The following EDIL3 variants were observed in gnomAD, a reference collection of about 807,000 sequenced individuals.
EDIL3 encodes the protein EGF like and discoidin domains 3, also known as EGF-like repeat and discoidin I-like domain-containing protein 3.
In EDIL3, 37 loss-of-function variants were observed where a neutral mutation model predicts 67.4. That is an observed-to-expected ratio of 0.55 (90% CI 0.42 to 0.72). The LOEUF is 0.72. Among genes scored for constraint, EDIL3 ranks in the 30% least tolerant of loss-of-function variants. The pLI is 0.00. For synonymous variants in EDIL3, 195 were observed against 196.3 expected (o/e 0.99, Z 0.05); for missense variants, 527 against 586.3 (o/e 0.90, Z 1.04).
chr5:84,312,103 G>A (rs1746404268), intron 1 of EDIL3, among the ~76,000 whole-genome samples: 1 of 152,098 alleles, frequency 6.6e-6, no homozygotes, highest in South Asian at 2.1e-4. Flanking sequence ...TGGTGGCTGG[G>A]CAGCGGGGCT....
chr5:84,003,899 C>T (rs1745372418), intron 9 of EDIL3, among the ~76,000 whole-genome samples: 1 of 151,694 alleles, frequency 6.6e-6, no homozygotes, highest in Non-Finnish European at 1.5e-5. Flanking sequence ...AAGGCGAGGA[C>T]CCAAATGTAC....
intron 6 of EDIL3, among the ~76,000 whole-genome samples, chr5:84,067,855 A>AT (rs2112242808): frequency 6.6e-6 from 1 of 152,238 alleles, no homozygotes; most frequent in Non-Finnish European, 1.5e-5. Flanking sequence ...GATGAGTACA[A>AT]TTTTTTGTGT....
At chr5:84,161,807 G>A (rs1053303543) in intron 4 of EDIL3, among the ~76,000 whole-genome samples, 1 of 151,930 alleles carries the variant, frequency 6.6e-6, no homozygotes, top group Non-Finnish European at 1.5e-5. Flanking sequence ...ACTCTCTTAT[G>A]GGTCTAAATC....
intron 9 of EDIL3, among the ~76,000 whole-genome samples, chr5:83,963,878 T>G (rs1023177381): frequency 1.3e-5 from 2 of 151,800 alleles, no homozygotes; most frequent in Non-Finnish European, 2.9e-5. Flanking sequence ...TCCATAAATT[T>G]TAATCAATTC....
intron 1 of EDIL3, among the ~76,000 whole-genome samples, chr5:84,270,524 T>A (rs1303425243): frequency 2.6e-5 from 4 of 152,214 alleles, no homozygotes; most frequent in African/African-American, 9.6e-5. Context: ...ACAAAACTAA[T>A]GCATAAATTA....
At chr5:84,126,577 T>C (rs1747873453) in intron 5 of EDIL3, among the ~76,000 whole-genome samples, 1 of 152,094 alleles carries the variant, frequency 6.6e-6, no homozygotes, top group Non-Finnish European at 1.5e-5. Context: ...ATTTGTGACA[T>C]GTATTATGTG....
chr5:84,120,807 T>C (rs897517296), intron 5 of EDIL3, among the ~76,000 whole-genome samples: 1 of 151,968 alleles, frequency 6.6e-6, no homozygotes, highest in African/African-American at 2.4e-5. Context: ...CTGAGTATGA[T>C]CTTTTTAAGG....
At chr5:84,275,663 A>C (rs1745571429) in intron 1 of EDIL3, among the ~76,000 whole-genome samples, 1 of 152,164 alleles carries the variant, frequency 6.6e-6, no homozygotes, top group South Asian at 2.1e-4. Flanking sequence ...TTTATTCTTA[A>C]GGCAAGCGAA....
intron 9 of EDIL3, among the ~76,000 whole-genome samples, chr5:84,050,197 C>CAAAA (rs11335643): frequency 2.3e-4 from 14 of 60,850 alleles, no homozygotes; most frequent in East Asian, 4.8e-4. Context: ...AACTCCATCT[C>CAAAA]AAAAAAAAAA....
intron 9 of EDIL3, among the ~76,000 whole-genome samples, chr5:84,052,202 C>A (rs1264578576): frequency 6.6e-6 from 1 of 152,072 alleles, no homozygotes; most frequent in African/African-American, 2.4e-5. Context: ...TCATATCCAG[C>A]CAAACTAAGC....
chr5:84,095,873 A>G (rs1467242068), intron 6 of EDIL3, among the ~76,000 whole-genome samples: 2 of 152,214 alleles, frequency 1.3e-5, no homozygotes, highest in Admixed American at 1.3e-4. Flanking sequence ...CTCCCATCAT[A>G]GGCCTGAAGG....
At chr5:84,240,423 C>T (rs1191594452) in intron 2 of EDIL3, among the ~76,000 whole-genome samples, 11 of 152,150 alleles carry the variant, frequency 7.2e-5, no homozygotes, top group Admixed American at 7.2e-4. Flanking sequence ...AATAGAGGCT[C>T]TATATCCAGG....
rs192355060 is a variant in EDIL3 at position 84,246,052 on chromosome 5, C to T, written c.196+8032G>A. On this transcript the variant is annotated intron_variant, in intron 2 of 10. Transcript: ENST00000296591. ...ATCATGGCCATATATTTGTGTATAA[C>T]GTAAAAAGAAATATCTGCAAACATA... Among the ~76,000 whole-genome samples, 417 of 152,048 alleles carry T rather than the reference C, an allele frequency of 2.7e-3. 3 individuals carry two copies. The highest frequency in any genetic ancestry group is 9.5e-3 in the African/African-American group (395 of 41,466).
intron 2 of EDIL3, among the ~76,000 whole-genome samples, chr5:84,245,118 T>C (rs1744880747): frequency 6.6e-6 from 1 of 152,192 alleles, no homozygotes; most frequent in African/African-American, 2.4e-5. Flanking sequence ...AGAATGTCCC[T>C]TTCTTTATAG....
intron 1 of EDIL3, among the ~76,000 whole-genome samples, chr5:84,319,494 CAA>C (rs55738450): frequency 0.027 from 1,156 of 42,888 alleles, 38 homozygotes; most frequent in African/African-American, 0.092. Flanking sequence ...CAAAAAACAA[CAA>C]AAAAAAAAAA....
chr5:84,309,019 A>T (rs1184139842), intron 1 of EDIL3, among the ~76,000 whole-genome samples: 1 of 152,136 alleles, frequency 6.6e-6, no homozygotes, highest in East Asian at 1.9e-4. Flanking sequence ...AGTTTATATA[A>T]AGATACAGAA....
intron 9 of EDIL3, among the ~76,000 whole-genome samples, chr5:84,053,995 G>A (rs923609469): frequency 8.5e-5 from 13 of 152,072 alleles, no homozygotes; most frequent in African/African-American, 3.1e-4. Context: ...GCCTGGCAGA[G>A]ACACAACAAA....
At chr5:84,189,722 T>C (rs1743539489) in intron 3 of EDIL3, among the ~76,000 whole-genome samples, 1 of 152,058 alleles carries the variant, frequency 6.6e-6, no homozygotes, top group Non-Finnish European at 1.5e-5. Context: ...AAGAGAACTC[T>C]ATATCAATAC....
intron 1 of EDIL3, among the ~76,000 whole-genome samples, chr5:84,269,272 T>C (rs1745414540): frequency 6.6e-6 from 1 of 152,188 alleles, no homozygotes; most frequent in African/African-American, 2.4e-5. Context: ...TGTCAAAATT[T>C]ATATGTAGTT....
Sources: gnomAD v4.1 joint callset for allele counts (sites outside exome capture counted in the v4.1 genomes callset) on GRCh38, gnomAD v4.1.1 for gene constraint, MANE v1.5 for transcripts, NCBI Gene and HGNC (gene_info 2026-07-23, HGNC 2026-07-21) for gene names.